Variants in SFRP2 observed in about 807,000 individuals in gnomAD.
SFRP2 encodes secreted frizzled-related protein 2.
SFRP2 carries 16 observed loss-of-function variants against 26.0 expected under a neutral mutation model. The observed-to-expected ratio is 0.61, with a 90% CI of 0.42 to 0.93. The LOEUF (loss-of-function observed/expected upper bound fraction) is 0.93. SFRP2 is among the 40% of genes least tolerant of loss of function. The probability of loss-of-function intolerance (pLI) is 0.00; values close to 1 mark genes in which losing one functional copy is unlikely to be tolerated. For synonymous variants in SFRP2, 173 were observed against 167.3 expected (o/e 1.03, Z -0.26); for missense variants, 343 against 392.4 (o/e 0.87, Z 1.06).
At position 153,788,533 on chromosome 4, in the gene SFRP2, G is replaced by A. The variant is rs755324538; in HGVS notation, c.303C>T (p.Pro101=). The stretch of plus-strand genomic sequence containing the variant: ...TCTCGTCTAGGTCATCGAGGCAGAC[G>A]GGGGCGAAGAGCGAGCACAGGAACT... ...TKKFLCSLFA[P]VCLDDLDETI... Residue 101 remains proline (P), a synonymous_variant, in exon 1 of 3, where the codon CCC becomes CCT. Transcript: ENST00000274063. 5.0e-6 allele frequency: 8 copies of A among 1,614,070 alleles called. No individual in the cohort carries two copies. The East Asian group carries it at 6.7e-5, about 13-fold the overall frequency.
chr4:153,788,670 G>T lies in SFRP2; in HGVS notation c.166C>A (p.Gln56Lys), dbSNP rs2127184914. 1 of 1,614,132 alleles carries T rather than the reference G, an allele frequency of 6.2e-7. No homozygotes were observed. The highest frequency in any genetic ancestry group is 8.5e-7 in the Non-Finnish European group (1 of 1,180,010). Residue 56 changes from glutamine to lysine, a missense_variant, in exon 1 of 3, where the codon CAG becomes AAG. This residue lies in a region of SFRP2 where 251 missense variants were observed against 253.3 expected (regional missense o/e 0.99). Coordinates refer to ENST00000274063, the MANE Select transcript of SFRP2 (RefSeq NM_003013.3). ...NLQLCHGIEY[Q>K]NMRLPNLLGH... ...AGCAGGTTGGGCAGCCGCATGTTCTGGTATTCGATGCCGTGGCACAGCTGC... is the reference window on the plus strand; with the variant it reads ...AGCAGGTTGGGCAGCCGCATGTTCTTGTATTCGATGCCGTGGCACAGCTGC...
Position 153,789,056 on chromosome 4 carries a change from G to T in SFRP2, c.-221C>A. Reference sequence around the variant, plus strand: ...CGCAGCTCCGGGGGGCTCCGACCCGGGGGAGCAGAATGAGCCGTTGCTGGG... The same window carrying T: ...CGCAGCTCCGGGGGGCTCCGACCCGTGGGAGCAGAATGAGCCGTTGCTGGG... On this transcript the variant is annotated 5_prime_UTR_variant, in exon 1 of 3. Transcript: ENST00000274063. 3.9e-6 allele frequency: 2 copies of T among 516,710 alleles called. No individual in the cohort carries two copies. The highest frequency in any genetic ancestry group is 6.6e-6 in the Non-Finnish European group (2 of 301,964). The allele number at this position is 516,710 out of a possible 1,614,324, so 32.0% of individuals were successfully genotyped here.
In SFRP2 at chr4:153,788,922, C is replaced by T; in HGVS notation, c.-87G>A. 7.1e-7 allele frequency: 1 copy of T among 1,413,702 alleles called. No individual in the cohort carries two copies. The highest frequency in any genetic ancestry group is 9.2e-7 in the Non-Finnish European group (1 of 1,081,838). The allele number at this position is 1,413,702 out of a possible 1,614,324, so 87.6% of individuals were successfully genotyped here. ...AGTTCGAGCTTGTCCCGGGCCCGCT[C>T]TCTTCGCTGGGTGCGACTCGGGGCC... is the stretch of plus-strand genomic sequence containing the variant. On this transcript the variant is annotated 5_prime_UTR_variant, in exon 1 of 3. Coordinates refer to ENST00000274063, the MANE Select transcript of SFRP2 (RefSeq NM_003013.3).
chr4:153,787,363 T>C (rs2127184234), intron 1 of SFRP2, among the ~76,000 whole-genome samples: 1 of 152,356 alleles, frequency 6.6e-6, no homozygotes, highest in East Asian at 1.9e-4. Context: ...CTAAAGAACT[T>C]TGCATTTGCT....
chr4:153,788,670 G>C lies in SFRP2; in HGVS notation c.166C>G (p.Gln56Glu). ...NLQLCHGIEY[Q>E]NMRLPNLLGH... is the part of the protein sequence containing the mutation. ...AGCAGGTTGGGCAGCCGCATGTTCT[G>C]GTATTCGATGCCGTGGCACAGCTGC... The change falls in exon 1 of 3, where the codon CAG (glutamine) becomes GAG (glutamate). Residue 56 changes from glutamine to glutamate, a missense_variant. Gln to Glu is a conservative substitution (Grantham distance 29). Around this residue, in one of 2 missense-constraint regions of SFRP2, gnomAD observed 251 missense variants for 253.3 expected, o/e 0.99. Coordinates refer to ENST00000274063, the MANE Select transcript of SFRP2 (RefSeq NM_003013.3). The C allele has an allele frequency of 6.2e-7, 1 of 1,614,132 alleles. No individual in the cohort carries two copies. The highest frequency in any genetic ancestry group is 8.5e-7 in the Non-Finnish European group (1 of 1,180,010).
At chr4:153,783,560 A>G (rs1488410033) in intron 2 of SFRP2, among the ~76,000 whole-genome samples, 2 of 152,174 alleles carry the variant, frequency 1.3e-5, no homozygotes, top group Admixed American at 1.3e-4. Context: ...AGGATGCAGG[A>G]TGTGATCGCA....
intron 2 of SFRP2, among the ~76,000 whole-genome samples, 170 bp from the exon 3 acceptor site, chr4:153,781,925 G>A (rs930925196): frequency 3.3e-5 from 5 of 152,142 alleles, no homozygotes; most frequent in African/African-American, 1.2e-4. Flanking sequence ...AGGGGCAGCA[G>A]GTGGCTCCAC....
rs568634063 is a variant in SFRP2 at position 153,789,008 on chromosome 4, G to A, written c.-173C>T. 1 of 742,572 alleles carries A rather than the reference G, an allele frequency of 1.3e-6. No homozygotes were observed. The highest frequency in any genetic ancestry group is 2.2e-5 in the South Asian group (1 of 44,664). The allele number at this position is 742,572 out of a possible 1,614,324, so 46.0% of individuals were successfully genotyped here. A position where few individuals can be genotyped will look rare whatever the true frequency, so the allele number is the denominator to read the frequency against. ...AAGCGGGACACCGGGAGGACAGCGC[G>A]GGCGAGGCGCTGCAAGCCCGCGCGC... On this transcript the variant is annotated 5_prime_UTR_variant, in exon 1 of 3. Coordinates refer to ENST00000274063, the MANE Select transcript of SFRP2 (RefSeq NM_003013.3).
rs771539103 is a variant in SFRP2 at position 153,781,417 on chromosome 4, G to C, written c.*34C>G. ...AGCAGAAATGGTCAGCCGTGCTCTG[G>C]AGCAGGCCTGTCGGAGCCATCAGGA... On this transcript the variant is annotated 3_prime_UTR_variant, in exon 3 of 3. Transcript: ENST00000274063. 1.9e-6 allele frequency: 3 copies of C among 1,585,880 alleles called. No individual in the cohort carries two copies. The South Asian group carries it at 3.4e-5, about 18-fold the overall frequency.
chr4:153,786,857 TAAA>T (rs201360782), intron 1 of SFRP2, among the ~76,000 whole-genome samples: 9 of 130,072 alleles, frequency 6.9e-5, no homozygotes, highest in East Asian at 4.3e-4. Context: ...TTGGGAGAAG[TAAA>T]AAAAAAAAAA....
intron 2 of SFRP2, among the ~76,000 whole-genome samples, chr4:153,782,786 G>A (rs1482238269): frequency 1.3e-5 from 2 of 152,188 alleles, no homozygotes; most frequent in African/African-American, 4.8e-5. Flanking sequence ...TTGAGGCAAT[G>A]TCCATGTTTT....
Position 153,788,798 on chromosome 4 carries a change from A to C in SFRP2, c.38T>G (p.Leu13Arg). The change falls in exon 1 of 3, where the codon CTC becomes CGC. Residue 13 changes from leucine to arginine, a missense_variant. By Grantham distance (102) the Leu-to-Arg change is moderately radical (BLOSUM62 -2). Coordinates refer to ENST00000274063, the MANE Select transcript of SFRP2 (RefSeq NM_003013.3). ...CGAGCCCAGGCAGCAGTGCGAGGCG[A>C]GGAAGAGCAGCAGCAGCGAGCCAGG... ...QGPGSLLLLF[L>R]ASHCCLGSAR... The C allele has an allele frequency of 1.2e-6, 2 of 1,605,732 alleles. No homozygotes were observed. The highest frequency in any genetic ancestry group is 2.2e-5 in the South Asian group (2 of 91,018).
Position 153,781,375 on chromosome 4 carries a change from G to T in SFRP2, c.*76C>A. 1 of 1,372,396 alleles carries T rather than the reference G, an allele frequency of 7.3e-7. No homozygotes were observed. The highest frequency in any genetic ancestry group is 1.7e-5 in the Admixed American group (1 of 57,234). The allele number at this position is 1,372,396 out of a possible 1,614,324, so 85.0% of individuals were successfully genotyped here. A position where few individuals can be genotyped will look rare whatever the true frequency, so the allele number is the denominator to read the frequency against. On this transcript the variant is annotated 3_prime_UTR_variant, in exon 3 of 3. Coordinates refer to ENST00000274063, the MANE Select transcript of SFRP2 (RefSeq NM_003013.3). ...GCAGCTAGGAGTGTGCTTGGGGAAC[G>T]GGAGCTGAGATCCCGGAGCAGAAAT...
At chr4:153,786,792 A>G (rs189380070) in intron 1 of SFRP2, among the ~76,000 whole-genome samples, 468 of 152,136 alleles carry the variant, frequency 3.1e-3, no homozygotes, top group Non-Finnish European at 5.6e-3. Flanking sequence ...TAGGGATTGT[A>G]TACTAGCACA....
Position 153,781,237 on chromosome 4 carries a change from G to T in SFRP2, c.*214C>A. The T allele has an allele frequency of 5.5e-6, 3 of 541,604 alleles. No individual in the cohort carries two copies. Among genetic ancestry groups the T allele is most frequent in the Non-Finnish European group, 9.8e-6 (3 of 305,314 alleles). 33.5% of individuals were successfully genotyped at this position (541,604 alleles called of 1,614,324 possible). ...TGAATATTTCTACAAGATTCGGGTG[G>T]GCTTTTCCTTTAGGTGAAAACAGCT... On this transcript the variant is annotated 3_prime_UTR_variant, in exon 3 of 3. Transcript: ENST00000274063.
At chr4:153,782,298 A>G (rs371256435) in intron 2 of SFRP2, among the ~76,000 whole-genome samples, 3 of 152,220 alleles carry the variant, frequency 2.0e-5, no homozygotes, top group East Asian at 3.8e-4. Context: ...GCTGCATTTG[A>G]TTTGGTAAAG....
chr4:153,788,274 G>A (rs1447090819), intron 1 of SFRP2, 60 bp downstream of exon 1: 3 of 1,555,798 alleles, frequency 1.9e-6, no homozygotes, highest in East Asian at 4.5e-5. Flanking sequence ...TGGCAGGGGC[G>A]GGATCTCCTG....
intron 2 of SFRP2, 150 bp downstream of exon 2, chr4:153,785,714 G>C: frequency 1.8e-6 from 1 of 569,200 alleles, no homozygotes; most frequent in East Asian, 3.0e-5. Flanking sequence ...AACTAGGATA[G>C]ATCAAGTTAG....
In SFRP2 at chr4:153,789,024, GCCCGCGCGCAGCT is replaced by G; in HGVS notation, c.-202_-190del. 1.8e-6 allele frequency: 1 copy of G among 568,668 alleles called. No homozygotes were observed. Among genetic ancestry groups the G allele is most frequent in the Non-Finnish European group, 2.8e-6 (1 of 354,182 alleles). 35.2% of individuals were successfully genotyped at this position (568,668 alleles called of 1,614,324 possible). On this transcript the variant is annotated 5_prime_UTR_variant, in exon 1 of 3. Transcript: ENST00000274063. The stretch of plus-strand genomic sequence containing the variant: ...GGACAGCGCGGGCGAGGCGCTGCAA[GCCCGCGCGCAGCT>G]CCGGGGGGCTCCGACCCGGGGGAGC...
Sources: allele counts gnomAD v4.1 joint callset (sites outside exome capture counted in the v4.1 genomes callset), GRCh38; gene constraint gnomAD v4.1.1; regional missense constraint gnomAD v4.1.1; transcripts MANE v1.5; gene names NCBI Gene and HGNC (gene_info 2026-07-23, HGNC 2026-07-21).